EGFLAM: variants seen among roughly 807,000 people sequenced by gnomAD.
EGFLAM encodes the protein pikachurin.
In EGFLAM, 79 loss-of-function variants were observed where a neutral mutation model predicts 113.1. That is an observed-to-expected ratio of 0.70 (90% CI 0.58 to 0.84). The LOEUF (loss-of-function observed/expected upper bound fraction) is 0.84. Ranked by LOEUF, EGFLAM falls within the 40% of genes least tolerant of loss-of-function variation. The pLI, the probability that EGFLAM is intolerant of heterozygous loss-of-function variation, is 0.00. For missense variants in EGFLAM, 1,265 were observed against 1,291.6 expected, an observed-to-expected ratio of 0.98 and a Z score of 0.32; for synonymous variants, 504 against 487.6, an observed-to-expected ratio of 1.03 and a Z score of -0.44.
At position 38,315,855 on chromosome 5, in the gene EGFLAM, C is replaced by A. The variant is rs570530266; in HGVS notation, c.98-21665C>A. ...CTTTGGGAAGCCGAGGCAGGTGGAC[C>A]ACCTGAGGTCAGGAGTTCGAGACCA... On this transcript the variant is annotated intron_variant, in intron 1 of 21. Transcript: ENST00000322350. Among the ~76,000 whole-genome samples the A allele has an allele frequency of 9.5e-4, 145 of 152,188 alleles. 2 individuals are homozygous for A. The highest frequency in any genetic ancestry group is 1.9e-3 in the South Asian group (9 of 4,802).
intron 1 of EGFLAM, among the ~76,000 whole-genome samples, chr5:38,325,340 GAC>G (rs965098317): frequency 6.6e-6 from 1 of 152,154 alleles, no homozygotes; most frequent in African/African-American, 2.4e-5. Context: ...GTATGTTGAA[GAC>G]ACATACTTAC....
intron 1 of EGFLAM, among the ~76,000 whole-genome samples, chr5:38,336,796 G>A (rs1229875125): frequency 6.6e-6 from 1 of 151,738 alleles, no homozygotes; most frequent in Non-Finnish European, 1.5e-5. Flanking sequence ...TTTCAGATAA[G>A]GGATGTCAAC....
intron 4 of EGFLAM, among the ~76,000 whole-genome samples, chr5:38,351,386 C>A (rs919930597): frequency 6.6e-6 from 1 of 151,974 alleles, no homozygotes; most frequent in African/African-American, 2.4e-5. Flanking sequence ...GGATTACAGG[C>A]GTAAGCCACC....
At chr5:38,290,998 A>G (rs1283512527) in intron 1 of EGFLAM, 1 of 152,274 alleles carries the variant, frequency 6.6e-6, no homozygotes, top group Non-Finnish European at 1.5e-5. Flanking sequence ...AGGCAGGAGA[A>G]TGGCGTGAAC....
At chr5:38,269,664 T>A (rs544311993) in intron 1 of EGFLAM, among the ~76,000 whole-genome samples, 2 of 152,216 alleles carry the variant, frequency 1.3e-5, no homozygotes, top group East Asian at 3.9e-4. Context: ...TAATTTTTTA[T>A]ATTTTTAGTA....
At chr5:38,413,185 A>ATTTTTTTTTT (rs34326457) in intron 11 of EGFLAM, among the ~76,000 whole-genome samples, 20 of 100,880 alleles carry the variant, frequency 2.0e-4, no homozygotes, top group Non-Finnish European at 2.7e-4. Context: ...TGCCTGGCTA[A>ATTTTTTTTTT]TTTTTTTTTT....
In EGFLAM at chr5:38,298,357, A is replaced by G. The variant is rs373138403; in HGVS notation, c.98-39163A>G. Among the ~76,000 whole-genome samples the G allele has an allele frequency of 2.7e-4, 41 of 152,298 alleles. No homozygotes were observed. The South Asian group carries it at 8.5e-3, about 32-fold the overall frequency. Reference sequence around the variant, plus strand: ...AGGGTTCTCTGATTAGGAAAGATGTAAAACATCTCAGCTCCTTGTACCTTC... The same window carrying G: ...AGGGTTCTCTGATTAGGAAAGATGTGAAACATCTCAGCTCCTTGTACCTTC... On this transcript the variant is annotated intron_variant, in intron 1 of 21. Coordinates refer to ENST00000322350, the MANE Select transcript of EGFLAM (RefSeq NM_152403.4).
In EGFLAM at chr5:38,427,436, C is replaced by A. The variant is rs1322194350; in HGVS notation, c.2054+184C>A. 6 of 919,704 alleles carry A rather than the reference C, an allele frequency of 6.5e-6. No homozygotes were observed. The East Asian group carries it at 1.6e-4, about 25-fold the overall frequency. 57.0% of individuals were successfully genotyped at this position (919,704 alleles called of 1,614,324 possible). On this transcript the variant is annotated intron_variant, in intron 14 of 21. Transcript: ENST00000322350. ...TGACAGGCTTCCTATAGAGAGTGCT[C>A]TCCTGCCCACAAGGCTTCCTTTTCT...
At chr5:38,286,775 T>A (rs1244204076) in intron 1 of EGFLAM, among the ~76,000 whole-genome samples, 1 of 152,262 alleles carries the variant, frequency 6.6e-6, no homozygotes, top group Non-Finnish European at 1.5e-5. Context: ...TGCTATAGTT[T>A]ACACAGATTA....
intron 16 of EGFLAM, 90 bp from the exon 17 acceptor site, chr5:38,438,185 G>A: frequency 1.4e-6 from 2 of 1,390,630 alleles, no homozygotes; most frequent in East Asian, 4.9e-5. Context: ...CTCCCTATGT[G>A]TAGCTCAGGT....
intron 5 of EGFLAM, among the ~76,000 whole-genome samples, chr5:38,359,492 T>C (rs1739864269): frequency 6.6e-6 from 1 of 152,146 alleles, no homozygotes; most frequent in Non-Finnish European, 1.5e-5. Context: ...CTTGCCAACA[T>C]GGTGAAACCC....
At chr5:38,386,805 C>A (rs915164280) in intron 6 of EGFLAM, among the ~76,000 whole-genome samples, 3 of 152,134 alleles carry the variant, frequency 2.0e-5, no homozygotes, top group African/African-American at 7.2e-5. Context: ...GTGCCCAGCC[C>A]GAGTACTTAT....
chr5:38,383,085 T>A (rs1221200607), intron 6 of EGFLAM, among the ~76,000 whole-genome samples: 1 of 152,218 alleles, frequency 6.6e-6, no homozygotes, highest in Non-Finnish European at 1.5e-5. Context: ...CTGAAGTGGT[T>A]GACCTTGAGA....
intron 6 of EGFLAM, among the ~76,000 whole-genome samples, chr5:38,404,890 G>T (rs1255239470): frequency 6.6e-6 from 1 of 152,180 alleles, no homozygotes; most frequent in Admixed American, 6.5e-5. Flanking sequence ...TGTTTCCCAT[G>T]TGCAACCTAA....
intron 11 of EGFLAM, among the ~76,000 whole-genome samples, chr5:38,416,078 T>C (rs56322148): frequency 0.15 from 23,147 of 151,884 alleles, 1,871 homozygotes; most frequent in East Asian, 0.24. Flanking sequence ...AAAAAATAAG[T>C]AATTGCAAGA....
intron 1 of EGFLAM, among the ~76,000 whole-genome samples, chr5:38,329,977 T>G (rs1738998213): frequency 6.6e-6 from 1 of 152,140 alleles, no homozygotes; most frequent in Non-Finnish European, 1.5e-5. Flanking sequence ...GAGTCATACC[T>G]AACCAGGTCC....
At chr5:38,325,921 ATAAT>A (rs1168343206) in intron 1 of EGFLAM, among the ~76,000 whole-genome samples, 3 of 151,886 alleles carry the variant, frequency 2.0e-5, no homozygotes, top group African/African-American at 7.2e-5. Context: ...TAAAATTATA[ATAAT>A]TATAGAACTA....
chr5:38,426,809 G>T (rs915071685), intron 13 of EGFLAM, among the ~76,000 whole-genome samples, 200 bp from the exon 14 acceptor site: 14 of 152,144 alleles, frequency 9.2e-5, no homozygotes, highest in African/African-American at 3.4e-4. Context: ...GGAAGTTTTA[G>T]GGGCCAGACT....
At chr5:38,434,837 C>T (rs118056939) in intron 15 of EGFLAM, among the ~76,000 whole-genome samples, 5 of 152,278 alleles carry the variant, frequency 3.3e-5, no homozygotes, top group East Asian at 3.9e-4. Flanking sequence ...TACCTGTGAA[C>T]GGTAGTGCAG....
Sources: gnomAD v4.1 joint callset for allele counts (sites outside exome capture counted in the v4.1 genomes callset) on GRCh38, gnomAD v4.1.1 for gene constraint, MANE v1.5 for transcripts, NCBI Gene and HGNC (gene_info 2026-07-23, HGNC 2026-07-21) for gene names.